IMMT: variants seen among roughly 807,000 people sequenced by gnomAD.
The protein encoded by IMMT is MICOS complex subunit MIC60.
IMMT carries 40 observed loss-of-function variants against 92.7 expected under a neutral mutation model. The ratio of observed to expected loss-of-function variants is 0.43; its 90% CI spans 0.34 to 0.56. The LOEUF (loss-of-function observed/expected upper bound fraction) is 0.56, where lower values mean the gene tolerates loss of function less well. Ranked by LOEUF, IMMT falls within the 20% of genes least tolerant of loss-of-function variation. The probability of loss-of-function intolerance (pLI) is 0.03; values close to 1 mark genes in which losing one functional copy is unlikely to be tolerated. For missense variants in IMMT, 831 were observed against 912.1 expected, an observed-to-expected ratio of 0.91 and a Z score of 1.14; for synonymous variants, 322 against 336.1, an observed-to-expected ratio of 0.96 and a Z score of 0.46.
chr2:86,171,847 C>CATATATAT (rs1047018977), intron 4 of IMMT, among the ~76,000 whole-genome samples: 9 of 118,116 alleles, frequency 7.6e-5, no homozygotes, highest in Non-Finnish European at 1.2e-4. Flanking sequence ...AGTTAAAATA[C>CATATATAT]ATATATATAT....
chr2:86,144,556 T>TAG lies in IMMT; in HGVS notation c.1987_1988dup (p.Gln664TyrfsTer12). 1 of 1,613,948 alleles carries TAG rather than the reference T, an allele frequency of 6.2e-7. No homozygotes were observed. The highest frequency in any genetic ancestry group is 1.3e-5 in the African/African-American group (1 of 75,026). ...GAGGTGGGAATAGGAGCAGGGACTG[T>TAG]AGGTAGGAGAGGAAGTACTGGTACA... On this transcript the variant is annotated frameshift_variant, in exon 15 of 15. Coordinates refer to ENST00000410111, the MANE Select transcript of IMMT (RefSeq NM_006839.3). LOFTEE classifies it high-confidence loss of function.
chr2:86,178,123 G>A (rs1387535751), intron 3 of IMMT, among the ~76,000 whole-genome samples: 2 of 151,816 alleles, frequency 1.3e-5, no homozygotes, highest in South Asian at 2.1e-4. Context: ...AGATCATCCT[G>A]GCTAACACAG....
intron 9 of IMMT, among the ~76,000 whole-genome samples, 153 bp from the exon 10 acceptor site, chr2:86,158,874 T>C (rs1676060214): frequency 6.6e-6 from 1 of 152,152 alleles, no homozygotes; most frequent in African/African-American, 2.4e-5. Flanking sequence ...CCTTATTTGT[T>C]TCCTTCTAAT....
chr2:86,146,375 A>ATT (rs34573057), intron 13 of IMMT, among the ~76,000 whole-genome samples, 178 bp from the exon 14 acceptor site: 407 of 135,216 alleles, frequency 3.0e-3, no homozygotes, highest in South Asian at 6.7e-3. Context: ...TATATAATAT[A>ATT]TTTTTTTTTT....
intron 8 of IMMT, among the ~76,000 whole-genome samples, chr2:86,160,493 C>G (rs1676191224): frequency 6.6e-6 from 1 of 152,138 alleles, no homozygotes. Context: ...GTCTACCCAC[C>G]ATAAAACACA....
chr2:86,182,329 A>T (rs1337499064), intron 1 of IMMT, among the ~76,000 whole-genome samples: 1 of 152,230 alleles, frequency 6.6e-6, no homozygotes, highest in East Asian at 1.9e-4. Context: ...ATATCAGAAT[A>T]ACACAAACTT....
chr2:86,155,166 C>A (rs1444858916), intron 10 of IMMT, among the ~76,000 whole-genome samples: 4 of 152,056 alleles, frequency 2.6e-5, no homozygotes, highest in Admixed American at 2.6e-4. Flanking sequence ...CCTGGCCAGT[C>A]CTGACCTTCT....
At chr2:86,189,682 T>C (rs1428688546) in intron 1 of IMMT, among the ~76,000 whole-genome samples, 1 of 152,210 alleles carries the variant, frequency 6.6e-6, no homozygotes, top group African/African-American at 2.4e-5. Context: ...TTTGTGGATC[T>C]TGTCATACAT....
intron 1 of IMMT, among the ~76,000 whole-genome samples, chr2:86,186,810 T>G (rs1242202366): frequency 1.3e-5 from 2 of 152,250 alleles, no homozygotes; most frequent in African/African-American, 2.4e-5. Flanking sequence ...CAAGGTGGCC[T>G]GTTATGCAGC....
intron 10 of IMMT, among the ~76,000 whole-genome samples, chr2:86,158,178 A>T (rs774100956): frequency 1.3e-5 from 2 of 152,250 alleles, no homozygotes; most frequent in Non-Finnish European, 2.9e-5. Flanking sequence ...TTTGTCACAG[A>T]GCAGACATAA....
chr2:86,157,120 G>A (rs528048447), intron 10 of IMMT, among the ~76,000 whole-genome samples: 3 of 152,248 alleles, frequency 2.0e-5, no homozygotes, highest in East Asian at 1.9e-4. Context: ...TTCTTTGCTC[G>A]ATGGTAGCTA....
chr2:86,175,971 T>C (rs558370531), intron 3 of IMMT, among the ~76,000 whole-genome samples: 88 of 152,260 alleles, frequency 5.8e-4, no homozygotes, highest in African/African-American at 1.9e-3. Flanking sequence ...TTGATTAACA[T>C]TGGTTGAATA....
chr2:86,188,458 C>T (rs987424312), intron 1 of IMMT, among the ~76,000 whole-genome samples: 1 of 152,122 alleles, frequency 6.6e-6, no homozygotes, highest in Admixed American at 6.6e-5. Flanking sequence ...GCATCTCACT[C>T]TGTCACCGAG....
intron 10 of IMMT, among the ~76,000 whole-genome samples, chr2:86,157,576 A>C (rs1005390373): frequency 6.6e-6 from 1 of 152,080 alleles, no homozygotes; most frequent in African/African-American, 2.4e-5. Flanking sequence ...ACTTGAGGTC[A>C]GGAGTTCAAA....
chr2:86,176,753 T>G (rs138855906), intron 3 of IMMT, among the ~76,000 whole-genome samples: 14 of 152,292 alleles, frequency 9.2e-5, no homozygotes, highest in African/African-American at 3.4e-4. Context: ...TTTGGAGAGA[T>G]AAAGGATTCA....
At position 86,158,658 on chromosome 2, in the gene IMMT, G is replaced by A. The variant is rs373860527; in HGVS notation, c.1096C>T (p.Arg366Trp). Residue 366 changes from arginine (R) to tryptophan (W), a missense_variant, in exon 10 of 15, where the codon CGG (arginine) becomes TGG (tryptophan). By Grantham distance (101) the Arg-to-Trp change is moderately radical. Transcript: ENST00000410111. ...TCCAGCTCTCGTTTAAAGTCATCCCGAGCTTGGACCACCAGCTCATGATAC... is the reference window on the plus strand; with the variant it reads ...TCCAGCTCTCGTTTAAAGTCATCCCAAGCTTGGACCACCAGCTCATGATAC... ...SQYHELVVQA[R>W]DDFKRELDSI... 4.4e-6 allele frequency: 7 copies of A among 1,604,206 alleles called. No individual in the cohort carries two copies. Among genetic ancestry groups the A allele is most frequent in the Admixed American group, 3.4e-5 (2 of 58,758 alleles).
chr2:86,176,867 T>G (rs921175838), intron 3 of IMMT, among the ~76,000 whole-genome samples: 1 of 152,216 alleles, frequency 6.6e-6, no homozygotes, highest in Admixed American at 6.5e-5. Flanking sequence ...AGCTATTTTT[T>G]CCTGGGTCAT....
intron 10 of IMMT, among the ~76,000 whole-genome samples, chr2:86,154,359 C>T (rs530496192): frequency 8.8e-5 from 13 of 148,326 alleles, no homozygotes; most frequent in African/African-American, 2.7e-4. Flanking sequence ...TTTTAGTAGA[C>T]GGGGTTTCAC....
Position 86,144,493 on chromosome 2 carries a change from A to G in IMMT, c.2052T>C (p.Asp684=), listed in dbSNP as rs1674841335. ...ATGACAGTAATTTAAATGTGTTTAT[A>G]TCCTCAGGGCAGAGCTCTGGGGGCG... ...LKPPPELCPE[D]INTFKLLSYA... is the part of the protein sequence containing the mutation. Residue 684 remains aspartate, a synonymous_variant, in exon 15 of 15, where the codon GAT becomes GAC. Coordinates refer to ENST00000410111, the MANE Select transcript of IMMT (RefSeq NM_006839.3). The G allele has an allele frequency of 6.2e-7, 1 of 1,614,024 alleles. No homozygotes were observed. Among genetic ancestry groups the G allele is most frequent in the Non-Finnish European group, 8.5e-7 (1 of 1,179,890 alleles).
Sources: gnomAD v4.1 joint callset for allele counts (sites outside exome capture counted in the v4.1 genomes callset) on GRCh38, gnomAD v4.1.1 for gene constraint, MANE v1.5 for transcripts, NCBI Gene and HGNC (gene_info 2026-07-23, HGNC 2026-07-21) for gene names.